The following OLFM1 variants were observed in gnomAD, a reference collection of about 807,000 sequenced individuals.
OLFM1 encodes the protein olfactomedin 1.
A neutral mutation model predicts 49.7 loss-of-function variants in OLFM1; 9 were observed. The ratio of observed to expected loss-of-function variants is 0.18; its 90% confidence interval spans 0.11 to 0.32. OLFM1 has a LOEUF of 0.32. Ranked by LOEUF, OLFM1 falls within the 10% of genes least tolerant of loss-of-function variation. OLFM1 has a pLI of 1.00. For missense variants in OLFM1, 369 were observed against 661.8 expected, an observed-to-expected ratio of 0.56 and a Z score of 4.85; for synonymous variants, 240 against 271.8, an observed-to-expected ratio of 0.88 and a Z score of 1.15.
At chr9:135,087,661 A>T (rs1830616590), upstream of OLFM1, 1 of 491,126 alleles carries the variant, frequency 2.0e-6, no homozygotes, top group Admixed American at 5.0e-5. Flanking sequence ...CAGCCCGCGC[A>T]GCGCTCAGAG....
At chr9:135,076,134 G>C (rs1444190985) in intron 1 of OLFM1, 3 of 1,549,302 alleles carry the variant, frequency 1.9e-6, no homozygotes, top group Non-Finnish European at 2.6e-6. Context: ...TTGTCATCTG[G>C]AGGGGGAAGA....
chr9:135,098,450 T>G lies in OLFM1; in HGVS notation c.621T>G (p.Leu207=), dbSNP rs777136345. The G allele has an allele frequency of 3.1e-6, 5 of 1,613,712 alleles. No homozygotes were observed. In the South Asian group the frequency reaches 4.4e-5, roughly 14 times the overall value. ...EEIGAYDYDE[L]QSRVSNLEER... ...TTGGCGCCTATGACTACGATGAACT[T>G]CAGAGCAGAGTGTCCAATCTTGAAG... Residue 207 remains leucine, a synonymous_variant, in exon 4 of 6, where the codon CTT becomes CTG. Transcript: ENST00000371793. This position sits in a 1 kb window ranked among gnomAD's most constrained non-coding sequence, Gnocchi z 5.6.
At chr9:135,087,441 G>A (rs1209154659), upstream of OLFM1, 6 of 1,543,132 alleles carry the variant, frequency 3.9e-6, no homozygotes, top group South Asian at 6.0e-5. Context: ...CGCCGCCGCC[G>A]GGTATTTTAT....
intron 2 of OLFM1, among the ~76,000 whole-genome samples, chr9:135,091,517 A>G (rs1460611372): frequency 6.7e-6 from 1 of 149,948 alleles, no homozygotes. Context: ...AGTCTCACAC[A>G]CACATAGTCA....
At chr9:135,094,804 C>T (rs1389788352) in intron 2 of OLFM1, among the ~76,000 whole-genome samples, 1 of 152,108 alleles carries the variant, frequency 6.6e-6, no homozygotes, top group East Asian at 1.9e-4. Flanking sequence ...TTCACACTGA[C>T]CGGCAAAGCT....
rs1002807957 is a variant in OLFM1, at chr9:135,113,381, G to A, written c.784-6123G>A. On this transcript the variant is annotated intron_variant, in intron 5 of 5. Coordinates refer to ENST00000371793, the MANE Select transcript of OLFM1 (RefSeq NM_001282611.2). The surrounding 1 kb of genome is among the most constrained non-coding windows in gnomAD (Gnocchi z 4.0). ...TGAGCTCCAGCAGGCTCTGAGGGCC[G>A]TGTCTAGCCTACCCAGAACCACCAA... Among the ~76,000 whole-genome samples the A allele has an allele frequency of 3.3e-5, 5 of 152,268 alleles. No homozygotes were observed. Among genetic ancestry groups the A allele is most frequent in the African/African-American group, 4.8e-5 (2 of 41,540 alleles).
chr9:135,081,865 C>T (rs550664515), intron 1 of OLFM1, among the ~76,000 whole-genome samples: 7 of 152,310 alleles, frequency 4.6e-5, no homozygotes, highest in South Asian at 2.1e-4. Flanking sequence ...GCACCCGACA[C>T]GCCTGCGGGT....
intron 2 of OLFM1, among the ~76,000 whole-genome samples, chr9:135,091,861 ACACT>A (rs1382001236): frequency 2.2e-4 from 30 of 138,726 alleles, no homozygotes; most frequent in East Asian, 1.7e-3. Context: ...ATAGTCACAC[ACACT>A]CACACACAGT....
chr9:135,076,385 G>C (rs905154747), intron 1 of OLFM1: 2 of 1,510,470 alleles, frequency 1.3e-6, no homozygotes, highest in Middle Eastern at 2.0e-4. Flanking sequence ...CCACATGCCC[G>C]GCAGGAGGTG....
chr9:135,078,100 A>G (rs1830490800), intron 1 of OLFM1, among the ~76,000 whole-genome samples: 1 of 152,210 alleles, frequency 6.6e-6, no homozygotes, highest in Non-Finnish European at 1.5e-5. Context: ...ATCCCCAAGC[A>G]TCTTACTTTC....
chr9:135,084,328 C>G (rs1342608271), upstream of OLFM1, among the ~76,000 whole-genome samples: 1 of 148,522 alleles, frequency 6.7e-6, no homozygotes, highest in African/African-American at 2.6e-5. This position sits in a 1 kb window ranked among gnomAD's most constrained non-coding sequence, Gnocchi z 4.6. Flanking sequence ...TCTCTTCTCT[C>G]TCTGTCTCTC....
At chr9:135,116,926 A>C (rs1222421730) in intron 5 of OLFM1, among the ~76,000 whole-genome samples, 2 of 152,016 alleles carry the variant, frequency 1.3e-5, no homozygotes, top group African/African-American at 4.8e-5. Flanking sequence ...TCTGCTTGTA[A>C]GTATCGAATG....
At chr9:135,100,379 G>A (rs1037546821) in intron 4 of OLFM1, among the ~76,000 whole-genome samples, 10 of 152,232 alleles carry the variant, frequency 6.6e-5, no homozygotes, top group African/African-American at 2.4e-4. Context: ...TTGTGAAAGA[G>A]ATCACATGGC....
In OLFM1 at chr9:135,080,929, T is replaced by G. The variant is rs1416151441; in HGVS notation, c.96+5127T>G. ...GGAAGTAAAAATGCACACCTCTGAG[T>G]TTTTTTAGATTATTAAAATAATAAT... On this transcript the variant is annotated intron_variant, in intron 1 of 5. Coordinates refer to the OLFM1 transcript ENST00000252854. The surrounding 1 kb of genome is among the most constrained non-coding windows in gnomAD (Gnocchi z 4.5). Among the ~76,000 whole-genome samples, 1 of 151,530 alleles carries G rather than the reference T, an allele frequency of 6.6e-6. No homozygotes were observed. Among genetic ancestry groups the G allele is most frequent in the Non-Finnish European group, 1.5e-5 (1 of 67,936 alleles).
intron 3 of OLFM1, among the ~76,000 whole-genome samples, 172 bp downstream of exon 3, chr9:135,096,191 CTCCTCCTCCCCCTCTTCATCCTCCTCT>C (rs1830793355): frequency 1.2e-5 from 1 of 80,060 alleles, no homozygotes; most frequent in Admixed American, 1.3e-4. Flanking sequence ...CCTCCTCTTC[CTCCTCCTCCCCCTCTTCATCCTCCTCT>C]TCCTCCTCCC....
rs1830518720 is a variant in OLFM1, at chr9:135,080,504, CG to C, written c.96+4705del. Among the ~76,000 whole-genome samples the C allele has an allele frequency of 6.6e-6, 1 of 152,130 alleles. No homozygotes were observed. The highest frequency in any genetic ancestry group is 6.5e-5 in the Admixed American group (1 of 15,278). ...GGGGCACCCTCCCCTTTCCCATTCC[CG>C]GGCTGCCTCCCCTGGTGGAGAGGCT... is the stretch of plus-strand genomic sequence containing the variant. On this transcript the variant is annotated intron_variant, in intron 1 of 5. Transcript: ENST00000252854. This position sits in a 1 kb window ranked among gnomAD's most constrained non-coding sequence, Gnocchi z 4.5.
rs569428441 is a variant in OLFM1, at chr9:135,090,183, G to C, written c.151-12G>C. ...CTCCTTCCCTCTCCCTTCCCGCCCC[G>C]CCCCTCTCCAGGTGCTGCCCACCAA... is the stretch of plus-strand genomic sequence containing the variant. On this transcript the variant is annotated splice_polypyrimidine_tract_variant and intron_variant, in intron 1 of 5. Transcript: ENST00000371793. 2.3e-5 allele frequency: 37 copies of C among 1,580,472 alleles called. No individual in the cohort carries two copies. The highest frequency in any genetic ancestry group is 3.2e-5 in the Non-Finnish European group (37 of 1,155,902).
intron 2 of OLFM1, among the ~76,000 whole-genome samples, chr9:135,090,972 G>T (rs1830677663): frequency 6.6e-6 from 1 of 152,226 alleles, no homozygotes; most frequent in South Asian, 2.1e-4. Flanking sequence ...AACATATTTT[G>T]AATCCGTTAT....
rs1830835032 is a variant in OLFM1, at chr9:135,098,927, A to C, written c.676+422A>C. ...GAATCATGCATAGTTTGAATAAAAA[A>C]GGGAACAAAATTCAATCACATCTCA... On this transcript the variant is annotated intron_variant, in intron 4 of 5. Coordinates refer to ENST00000371793, the MANE Select transcript of OLFM1 (RefSeq NM_001282611.2). The surrounding 1 kb of genome is among the most constrained non-coding windows in gnomAD (Gnocchi z 5.6). Among the ~76,000 whole-genome samples the C allele has an allele frequency of 6.6e-6, 1 of 152,248 alleles. No homozygotes were observed. Among genetic ancestry groups the C allele is most frequent in the Admixed American group, 6.5e-5 (1 of 15,286 alleles).
Sources: allele counts gnomAD v4.1 joint callset (sites outside exome capture counted in the v4.1 genomes callset), GRCh38; gene constraint gnomAD v4.1.1; non-coding constraint Gnocchi (gnomAD v3.1); transcripts MANE v1.5; gene names NCBI Gene and HGNC (gene_info 2026-07-23, HGNC 2026-07-21).